The following SMG6 variants were observed in gnomAD, a reference collection of about 807,000 sequenced individuals.
SMG6 encodes SMG6 nonsense mediated mRNA decay factor.
Under a neutral mutation model 142.2 loss-of-function variants are expected in SMG6, and 66 were observed. The ratio of observed to expected loss-of-function variants is 0.46; its 90% CI spans 0.38 to 0.57. The LOEUF (loss-of-function observed/expected upper bound fraction) is 0.57, where lower values mean the gene tolerates loss of function less well. Ranked by LOEUF, SMG6 falls within the 20% of genes least tolerant of loss-of-function variation. SMG6 has a pLI of 0.00. For synonymous variants in SMG6, 779 were observed against 702.4 expected, an observed-to-expected ratio of 1.11 and a Z score of -1.72; for missense variants, 1,793 against 1,832.0, an observed-to-expected ratio of 0.98 and a Z score of 0.39.
Position 2,188,446 on chromosome 17 carries a change from G to C in SMG6, c.2939C>G (p.Ser980Cys), listed in dbSNP as rs1158052311. ...QAAALGLAMF[S>C]LLVRRCTCLL... ...GCAGGTGCAGCGGCGGACCAGTAGA[G>C]AAAACATGGCCAAGCCCAGAGCTGC... The change falls in exon 11 of 19, where the codon TCT (serine) becomes TGT (cysteine). Residue 980 changes from serine (S) to cysteine (C), a missense_variant. Coordinates refer to ENST00000263073, the MANE Select transcript of SMG6 (RefSeq NM_017575.5). The C allele has an allele frequency of 1.2e-6, 2 of 1,614,156 alleles. No homozygotes were observed. Among genetic ancestry groups the C allele is most frequent in the Non-Finnish European group, 1.7e-6 (2 of 1,180,018 alleles).
chr17:2,102,528 ATTTTTTTT>A (rs374584197), intron 13 of SMG6, among the ~76,000 whole-genome samples: 30 of 81,614 alleles, frequency 3.7e-4, no homozygotes, highest in Non-Finnish European at 4.7e-4. Flanking sequence ...TGCTAATTTC[ATTTTTTTT>A]TTTTTTTTTT....
intron 13 of SMG6, among the ~76,000 whole-genome samples, chr17:2,093,608 G>A (rs923086070): frequency 6.6e-6 from 1 of 152,062 alleles, no homozygotes; most frequent in Non-Finnish European, 1.5e-5. Flanking sequence ...AGGCAAGGTG[G>A]GAAGCATGGG....
chr17:2,188,484 G>A lies in SMG6; in HGVS notation c.2901C>T (p.Ile967=), dbSNP rs1213051754. The change falls in exon 11 of 19, where the codon ATC becomes ATT. Residue 967 remains isoleucine (I), a synonymous_variant. Transcript: ENST00000263073. Reference sequence around the variant, plus strand: ...AGCCCAGAGCTGCGGCTTGTTCCTGGATCACAGAGCGGCACTCCTCCGAGA... The same window carrying A: ...AGCCCAGAGCTGCGGCTTGTTCCTGAATCACAGAGCGGCACTCCTCCGAGA... ...DCFSEECRSV[I]QEQAAALGLA... 1 of 1,614,110 alleles carries A rather than the reference G, an allele frequency of 6.2e-7. No homozygotes were observed. The highest frequency in any genetic ancestry group is 1.1e-5 in the South Asian group (1 of 91,066).
At chr17:2,178,446 G>T (rs867512231) in intron 12 of SMG6, among the ~76,000 whole-genome samples, 1 of 152,156 alleles carries the variant, frequency 6.6e-6, no homozygotes, top group East Asian at 1.9e-4. Flanking sequence ...CCAACAAGTC[G>T]ACTTGGGACT....
chr17:2,090,349 G>A (rs920910782), intron 13 of SMG6, among the ~76,000 whole-genome samples: 3 of 152,036 alleles, frequency 2.0e-5, no homozygotes, highest in South Asian at 2.1e-4. Flanking sequence ...ATGAAGGTAG[G>A]GAGGGTAAGA....
At chr17:2,133,018 G>A (rs2070174639) in intron 13 of SMG6, among the ~76,000 whole-genome samples, 1 of 152,184 alleles carries the variant, frequency 6.6e-6, no homozygotes, top group Admixed American at 6.5e-5. Context: ...GCCAAGGTGG[G>A]TGGATTACTT....
intron 10 of SMG6, among the ~76,000 whole-genome samples, chr17:2,229,781 AT>A (rs1204654529): frequency 3.3e-5 from 5 of 152,092 alleles, no homozygotes; most frequent in African/African-American, 2.4e-5. Flanking sequence ...CCCCTAGAAC[AT>A]ACCTACTTTC....
At position 2,080,926 on chromosome 17, in the gene SMG6, C is replaced by T. The variant is rs574997896; in HGVS notation, c.3681+884G>A. On this transcript the variant is annotated intron_variant, in intron 15 of 18. Transcript: ENST00000263073. ...CTGGGATGACAGGCGTGAGCCACCG[C>T]GCCCGGCCAGCACTTTCATTTAACA... is the stretch of plus-strand genomic sequence containing the variant. Among the ~76,000 whole-genome samples the T allele has an allele frequency of 2.0e-4, 31 of 152,340 alleles. No homozygotes were observed. In the East Asian group the frequency reaches 2.9e-3, roughly 14 times the overall value.
chr17:2,088,556 G>C, intron 13 of SMG6: 6 of 985,452 alleles, frequency 6.1e-6, no homozygotes, highest in Non-Finnish European at 7.2e-6. Flanking sequence ...TGATCTACTG[G>C]GGTCTCTGAC....
intron 13 of SMG6, among the ~76,000 whole-genome samples, chr17:2,171,006 A>C (rs891751015): frequency 6.6e-6 from 1 of 152,178 alleles, no homozygotes; most frequent in Non-Finnish European, 1.5e-5. Context: ...TGGGCATGTT[A>C]GCGCAGACCT....
At chr17:2,179,160 C>A (rs991115467) in intron 12 of SMG6, among the ~76,000 whole-genome samples, 1 of 152,164 alleles carries the variant, frequency 6.6e-6, no homozygotes, top group African/African-American at 2.4e-5. Context: ...CGCCCCAACC[C>A]GGAGCCAGGG....
chr17:2,103,685 G>A (rs182628091), intron 13 of SMG6, among the ~76,000 whole-genome samples: 2 of 152,192 alleles, frequency 1.3e-5, no homozygotes, highest in African/African-American at 4.8e-5. Context: ...CTTCTTGTGA[G>A]CTGTTTCTTT....
chr17:2,190,252 A>G (rs2072118523), intron 10 of SMG6, among the ~76,000 whole-genome samples: 2 of 152,140 alleles, frequency 1.3e-5, no homozygotes, highest in South Asian at 4.1e-4. Flanking sequence ...TAAGTCCAGA[A>G]AAGAGGGAGT....
At position 2,061,469 on chromosome 17, in the gene SMG6, G is replaced by GC. The variant is rs199666681; in HGVS notation, c.*22_*23insG. On this transcript the variant is annotated 3_prime_UTR_variant, in exon 19 of 19. Transcript: ENST00000263073. Reference sequence around the variant, plus strand: ...GGCCTTTCAGGAACGGTTCCACGGGGGGGGGGCCCCAGTGTGGCTCCCTCA... The same window carrying GC: ...GGCCTTTCAGGAACGGTTCCACGGGGCGGGGGGCCCCAGTGTGGCTCCCTCA... 58 of 1,566,732 alleles carry GC rather than the reference G, an allele frequency of 3.7e-5. No individual in the cohort carries two copies. The highest frequency in any genetic ancestry group is 3.4e-4 in the Admixed American group (19 of 55,350).
intron 13 of SMG6, among the ~76,000 whole-genome samples, chr17:2,162,980 C>T (rs533485126): frequency 2.0e-5 from 3 of 151,894 alleles, no homozygotes; most frequent in Admixed American, 6.6e-5. Flanking sequence ...TACAGATGCA[C>T]ACCACCACAC....
At chr17:2,281,441 TCTCC>T (rs2074783887) in intron 8 of SMG6, among the ~76,000 whole-genome samples, 1 of 152,108 alleles carries the variant, frequency 6.6e-6, no homozygotes, top group Admixed American at 6.5e-5. Flanking sequence ...GACTCTTTCT[TCTCC>T]CTGAGCTCCC....
intron 13 of SMG6, among the ~76,000 whole-genome samples, chr17:2,139,485 G>A (rs1238854995): frequency 1.3e-5 from 2 of 150,176 alleles, no homozygotes; most frequent in African/African-American, 2.5e-5. Flanking sequence ...GCAGTGGCGC[G>A]ATCTCAGCTC....
intron 12 of SMG6, among the ~76,000 whole-genome samples, chr17:2,182,642 T>C (rs1001834908): frequency 1.3e-5 from 2 of 152,124 alleles, no homozygotes; most frequent in African/African-American, 4.8e-5. Flanking sequence ...GAGACTCACA[T>C]GGCTGGTCCC....
chr17:2,156,872 C>T (rs1347918464), intron 13 of SMG6, among the ~76,000 whole-genome samples: 1 of 152,168 alleles, frequency 6.6e-6, no homozygotes, highest in South Asian at 2.1e-4. Context: ...AGACTGGTCT[C>T]GAACTTCTGG....
Sources: gnomAD v4.1 joint callset for allele counts (sites outside exome capture counted in the v4.1 genomes callset) on GRCh38, gnomAD v4.1.1 for gene constraint, MANE v1.5 for transcripts, NCBI Gene and HGNC (gene_info 2026-07-23, HGNC 2026-07-21) for gene names.